The following PALD1 variants were observed in gnomAD, a reference collection of about 807,000 sequenced individuals.
PALD1 encodes paladin.
Under a neutral mutation model 96.0 loss-of-function variants are expected in PALD1, and 57 were observed. That is an observed-to-expected ratio of 0.59 (90% CI 0.48 to 0.74). PALD1 has a LOEUF of 0.74. Among genes scored for constraint, PALD1 ranks in the 30% least tolerant of loss-of-function variants. The pLI is 0.00. For synonymous variants in PALD1, 464 were observed against 473.6 expected, an observed-to-expected ratio of 0.98 and a Z score of 0.26; for missense variants, 1,063 against 1,143.7, an observed-to-expected ratio of 0.93 and a Z score of 1.02.
chr10:70,478,307 G>T (rs1051081603), upstream of PALD1, among the ~76,000 whole-genome samples: 3 of 152,304 alleles, frequency 2.0e-5, no homozygotes, highest in Non-Finnish European at 4.4e-5. Context: ...ACTGCACAGC[G>T]AGGCCGGCCC....
chr10:70,501,687 G>A (rs561311433), intron 1 of PALD1, among the ~76,000 whole-genome samples: 2 of 122,448 alleles, frequency 1.6e-5, no homozygotes, highest in Non-Finnish European at 3.6e-5. Context: ...TATGTTTACT[G>A]TAGGGAAATG....
the PALD1 span, among the ~76,000 whole-genome samples, chr10:70,463,224 GA>G: frequency 5.6e-4 from 85 of 152,250 alleles, 2 homozygotes; most frequent in South Asian, 0.012. Flanking sequence ...CTAACACGGT[GA>G]AAACCCATCT....
chr10:70,507,271 G>A (rs868731922), intron 1 of PALD1, among the ~76,000 whole-genome samples: 10 of 151,750 alleles, frequency 6.6e-5, no homozygotes, highest in African/African-American at 2.2e-4. Flanking sequence ...AATTAGCCGG[G>A]CATGGTGGCG....
the PALD1 span, among the ~76,000 whole-genome samples, chr10:70,468,699 G>C: frequency 1.5e-5 from 2 of 132,242 alleles, no homozygotes; most frequent in African/African-American, 6.2e-5. Context: ...CCATGAGGCA[G>C]GACTGTGTGT....
At chr10:70,551,629 GCC>G (rs10600769) in intron 18 of PALD1, among the ~76,000 whole-genome samples, 4,870 of 152,112 alleles carry the variant, frequency 0.032, 261 homozygotes, top group African/African-American at 0.11. Context: ...CCTTTTCCTG[GCC>G]CCCTGCCGGC....
chr10:70,533,143 C>T (rs1038350613), intron 7 of PALD1, 73 bp downstream of exon 7: 1 of 1,204,718 alleles, frequency 8.3e-7, no homozygotes, highest in Non-Finnish European at 1.2e-6. Flanking sequence ...AGGGTGGGCA[C>T]AGCCTCTCGC....
chr10:70,537,383 C>T (rs925033988), intron 10 of PALD1, among the ~76,000 whole-genome samples: 2 of 152,358 alleles, frequency 1.3e-5, no homozygotes, highest in African/African-American at 4.8e-5. Flanking sequence ...GGACCACAGG[C>T]GTGAGCCACC....
chr10:70,533,103 G>A (rs1443084728), intron 7 of PALD1, 33 bp downstream of exon 7: 46 of 1,528,370 alleles, frequency 3.0e-5, no homozygotes, highest in Non-Finnish European at 3.8e-5. Context: ...TGGGGGAGGA[G>A]TCTTGAGAGT....
chr10:70,491,464 G>A (rs1846097810), intron 1 of PALD1, among the ~76,000 whole-genome samples: 1 of 152,004 alleles, frequency 6.6e-6, no homozygotes, highest in Non-Finnish European at 1.5e-5. Flanking sequence ...TGCTGTGTGT[G>A]ATGATATCAT....
chr10:70,475,301 G>T (rs1321230306), upstream of PALD1, among the ~76,000 whole-genome samples: 3 of 152,232 alleles, frequency 2.0e-5, no homozygotes, highest in African/African-American at 7.2e-5. Flanking sequence ...AGATGGGGCA[G>T]TGGGCCTGGA....
intron 1 of PALD1, among the ~76,000 whole-genome samples, chr10:70,507,908 C>G (rs1011692413): frequency 2.0e-5 from 3 of 152,200 alleles, no homozygotes; most frequent in Non-Finnish European, 2.9e-5. Flanking sequence ...GTGCCAAGCA[C>G]AGGCCAGGCC....
the PALD1 span, among the ~76,000 whole-genome samples, chr10:70,460,294 T>G: frequency 6.6e-6 from 1 of 152,090 alleles, no homozygotes; most frequent in South Asian, 2.1e-4. Context: ...ATCCTGGGGC[T>G]TAAAAGCCAC....
At chr10:70,529,106 G>A (rs916309897) in intron 2 of PALD1, 123 bp from the exon 3 acceptor site, 1 of 620,082 alleles carries the variant, frequency 1.6e-6, no homozygotes, top group East Asian at 2.8e-5. Context: ...ACAATGGGCA[G>A]TCTCTGCCAC....
intron 1 of PALD1, among the ~76,000 whole-genome samples, chr10:70,486,809 T>C (rs1365468016): frequency 1.3e-5 from 2 of 151,972 alleles, no homozygotes; most frequent in Non-Finnish European, 2.9e-5. Context: ...CTGATCTGAG[T>C]GGTGGTTTAG....
rs777034635 is a variant in PALD1, at chr10:70,533,975, C to T, written c.924C>T (p.Leu308=). The T allele has an allele frequency of 1.2e-5, 19 of 1,613,232 alleles. No homozygotes were observed. Among genetic ancestry groups the T allele is most frequent in the Admixed American group, 1.2e-4 (7 of 59,932 alleles). ...ATGCCCACGGGCCTCCCCCAGCCCTCGTCTTCAGCTGCCAGATGGGCGTGG... is the reference window on the plus strand; with the variant it reads ...ATGCCCACGGGCCTCCCCCAGCCCTTGTCTTCAGCTGCCAGATGGGCGTGG... ...LRDAHGPPPA[L]VFSCQMGVGR... is the part of the protein sequence containing the mutation. Residue 308 remains leucine (L), a synonymous_variant, in exon 8 of 20, where the codon CTC becomes CTT. Coordinates refer to ENST00000263563, the MANE Select transcript of PALD1 (RefSeq NM_014431.3).
chr10:70,527,796 TAA>T (rs66682923), intron 2 of PALD1, among the ~76,000 whole-genome samples: 1 of 151,202 alleles, frequency 6.6e-6, no homozygotes. Flanking sequence ...GCACTTTTTT[TAA>T]AATTTAAGTT....
intron 16 of PALD1, 35 bp from the exon 17 acceptor site, chr10:70,541,428 A>C (rs1847244178): frequency 1.2e-6 from 2 of 1,602,890 alleles, no homozygotes; most frequent in South Asian, 2.2e-5. Flanking sequence ...TGGCGTTGGG[A>C]GGGGGCTTCT....
rs566382042 is a variant in PALD1 at position 70,494,263 on chromosome 10, C to T, written c.-30+15204C>T. Among the ~76,000 whole-genome samples, 3 of 152,330 alleles carry T rather than the reference C, an allele frequency of 2.0e-5. 1 individual carries two copies. In the South Asian group the frequency reaches 6.2e-4, roughly 32 times the overall value. ...CCTCTTCCCTGCATCTCCTTGTATA[C>T]TATTTTACTAATTTATATAGTTTAT... On this transcript the variant is annotated intron_variant, in intron 1 of 19. Transcript: ENST00000263563.
chr10:70,532,934 G>T, intron 6 of PALD1, 61 bp from the exon 7 acceptor site: 1 of 1,524,940 alleles, frequency 6.6e-7, no homozygotes, highest in Admixed American at 1.9e-5. Flanking sequence ...CCGGGAATAG[G>T]GGGTGAGGGG....
Sources: allele counts gnomAD v4.1 joint callset (sites outside exome capture counted in the v4.1 genomes callset), GRCh38; gene constraint gnomAD v4.1.1; transcripts MANE v1.5; gene names NCBI Gene and HGNC (gene_info 2026-07-23, HGNC 2026-07-21).